PTPRT: variants seen among roughly 807,000 people sequenced by gnomAD.
PTPRT encodes the protein protein tyrosine phosphatase receptor type T.
A neutral mutation model predicts 176.8 loss-of-function variants in PTPRT; 56 were observed. That is an observed-to-expected ratio of 0.32 (90% CI 0.26 to 0.40). The LOEUF (loss-of-function observed/expected upper bound fraction) is 0.40. Among genes scored for constraint, PTPRT ranks in the 10% least tolerant of loss-of-function variants. The pLI, the probability that PTPRT is intolerant of heterozygous loss-of-function variation, is 1.00. For synonymous variants in PTPRT, 783 were observed against 739.0 expected (o/e 1.06, Z -0.96); for missense variants, 1,540 against 1,908.2 (o/e 0.81, Z 3.60).
intron 1 of PTPRT, among the ~76,000 whole-genome samples, chr20:43,179,079 C>T (rs1235756109): frequency 6.6e-6 from 1 of 152,236 alleles, no homozygotes; most frequent in Non-Finnish European, 1.5e-5. Context: ...TCTTGAAGCA[C>T]ATCTCCACCA....
At chr20:42,274,392 T>C (rs2056990674) in intron 13 of PTPRT, among the ~76,000 whole-genome samples, 2 of 152,216 alleles carry the variant, frequency 1.3e-5, no homozygotes, top group East Asian at 1.9e-4. Flanking sequence ...TAGCTTGTTA[T>C]GTTAGCAAAG....
At chr20:42,062,165 G>C in the PTPRT span, among the ~76,000 whole-genome samples, 1 of 152,146 alleles carries the variant, frequency 6.6e-6, no homozygotes, top group Non-Finnish European at 1.5e-5. Context: ...TAAGAAGATT[G>C]CTTGTGTAAT....
intron 9 of PTPRT, among the ~76,000 whole-genome samples, chr20:42,439,481 C>A (rs2059293017): frequency 6.6e-6 from 1 of 152,112 alleles, no homozygotes; most frequent in African/African-American, 2.4e-5. Context: ...GGAAAAAAGA[C>A]CAATGTTTCT....
chr20:43,005,278 C>T (rs772275502), intron 1 of PTPRT, among the ~76,000 whole-genome samples: 1 of 152,166 alleles, frequency 6.6e-6, no homozygotes, highest in Non-Finnish European at 1.5e-5. Flanking sequence ...AGCTCCTGCC[C>T]ACTCTCCAAC....
intron 1 of PTPRT, among the ~76,000 whole-genome samples, chr20:43,120,271 G>C (rs1481158054): frequency 7.6e-6 from 1 of 132,280 alleles, no homozygotes; most frequent in East Asian, 2.0e-4. Context: ...ACCACTTCCA[G>C]ATCCAGTTTT....
chr20:43,024,205 T>A (rs138303213), intron 1 of PTPRT, among the ~76,000 whole-genome samples: 1 of 152,326 alleles, frequency 6.6e-6, no homozygotes, highest in Non-Finnish European at 1.5e-5. Flanking sequence ...GGAGCAATAC[T>A]AGTGCCCACC....
chr20:42,474,429 C>T (rs1159271349), intron 7 of PTPRT, among the ~76,000 whole-genome samples: 1 of 152,204 alleles, frequency 6.6e-6, no homozygotes, highest in African/African-American at 2.4e-5. Flanking sequence ...GAGCTGCCCA[C>T]GTGGCTGCAG....
chr20:42,653,039 C>T (rs934662115), intron 7 of PTPRT, among the ~76,000 whole-genome samples: 6 of 152,098 alleles, frequency 3.9e-5, no homozygotes, highest in Non-Finnish European at 7.4e-5. Flanking sequence ...TTGGCTATGT[C>T]CCCAACCAAA....
intron 1 of PTPRT, among the ~76,000 whole-genome samples, chr20:42,937,168 C>T (rs1233043782): frequency 6.6e-6 from 1 of 152,144 alleles, no homozygotes; most frequent in Non-Finnish European, 1.5e-5. Context: ...AAAACTATTC[C>T]AAGAGGATAG....
rs190938497 is a variant in PTPRT, at chr20:42,570,847, C to T, written c.1154-98285G>A. On this transcript the variant is annotated intron_variant, in intron 7 of 30. Transcript: ENST00000373187. ...CATCACAAGATCTTTAACTTAATTG[C>T]TTTAATTAACTTAATTAACTTAATC... 3.4e-3 allele frequency among the ~76,000 whole-genome samples: 508 copies of T among 149,962 alleles called. 2 individuals carry two copies. Among genetic ancestry groups the T allele is most frequent in the African/African-American group, 0.011 (468 of 40,808 alleles).
chr20:42,834,798 C>T (rs1231238939), intron 2 of PTPRT, among the ~76,000 whole-genome samples: 3 of 152,000 alleles, frequency 2.0e-5, no homozygotes, highest in Admixed American at 6.6e-5. Flanking sequence ...TGTCTAAACC[C>T]ATAAAACTAT....
At chr20:42,224,385 T>A (rs2055956942) in intron 15 of PTPRT, among the ~76,000 whole-genome samples, 1 of 152,238 alleles carries the variant, frequency 6.6e-6, no homozygotes, top group Non-Finnish European at 1.5e-5. Context: ...CTAAGGATTG[T>A]CTACCTCAAT....
intron 1 of PTPRT, among the ~76,000 whole-genome samples, chr20:43,105,126 G>A (rs1021528310): frequency 6.6e-6 from 1 of 152,098 alleles, no homozygotes; most frequent in Non-Finnish European, 1.5e-5. Context: ...GCAAGGTCAT[G>A]GGTAAAGAGC....
At chr20:42,424,116 T>C (rs944199187) in intron 9 of PTPRT, among the ~76,000 whole-genome samples, 2 of 152,240 alleles carry the variant, frequency 1.3e-5, no homozygotes, top group South Asian at 4.1e-4. Context: ...GAGATGCTGA[T>C]GGGACCAACC....
chr20:42,289,627 C>T (rs1242665815), intron 12 of PTPRT, among the ~76,000 whole-genome samples: 2 of 151,992 alleles, frequency 1.3e-5, no homozygotes, highest in East Asian at 3.9e-4. Context: ...AAAAAAATAA[C>T]AGATGTTGGC....
chr20:42,789,671 T>A (rs1283054492), intron 3 of PTPRT, among the ~76,000 whole-genome samples: 1 of 152,168 alleles, frequency 6.6e-6, no homozygotes, highest in Non-Finnish European at 1.5e-5. Flanking sequence ...GAAAGGAGTT[T>A]CAGGAAATGC....
intron 7 of PTPRT, among the ~76,000 whole-genome samples, chr20:42,649,621 T>A (rs2074992178): frequency 6.6e-6 from 1 of 152,116 alleles, no homozygotes; most frequent in African/African-American, 2.4e-5. Flanking sequence ...GAGAAAAAGA[T>A]ATGAATGCTG....
chr20:42,614,095 A>G (rs967667179), intron 7 of PTPRT, among the ~76,000 whole-genome samples: 2 of 152,110 alleles, frequency 1.3e-5, no homozygotes, highest in Non-Finnish European at 2.9e-5. Flanking sequence ...GGGCTGTGAA[A>G]GAATCTGTTC....
intron 2 of PTPRT, among the ~76,000 whole-genome samples, chr20:42,842,999 A>T (rs1391360988): frequency 6.6e-6 from 1 of 152,216 alleles, no homozygotes; most frequent in Non-Finnish European, 1.5e-5. Flanking sequence ...AGAGGGAGAT[A>T]CGAACACCTA....
Sources: gnomAD v4.1 joint callset for allele counts (sites outside exome capture counted in the v4.1 genomes callset) on GRCh38, gnomAD v4.1.1 for gene constraint, MANE v1.5 for transcripts, NCBI Gene and HGNC (gene_info 2026-07-23, HGNC 2026-07-21) for gene names.